Variants in PTPRT observed in about 807,000 individuals in gnomAD.
PTPRT encodes the protein receptor-type tyrosine-protein phosphatase T.
PTPRT carries 56 observed loss-of-function variants against 176.8 expected under a neutral mutation model. The observed-to-expected ratio is 0.32, with a 90% confidence interval of 0.26 to 0.40. PTPRT has a LOEUF of 0.40. Among genes scored for constraint, PTPRT ranks in the 10% least tolerant of loss-of-function variants. The pLI is 1.00. For missense variants in PTPRT, 1,540 were observed against 1,908.2 expected, an observed-to-expected ratio of 0.81 and a Z score of 3.60; for synonymous variants, 783 against 739.0, an observed-to-expected ratio of 1.06 and a Z score of -0.96.
At chr20:42,201,730 C>CA (rs57007206) in intron 15 of PTPRT, among the ~76,000 whole-genome samples, 1,513 of 73,516 alleles carry the variant, frequency 0.021, 30 homozygotes, top group Non-Finnish European at 0.027. Flanking sequence ...GAACCAGAGG[C>CA]AAAAAAAAAA....
chr20:43,131,386 C>T (rs1239563894), intron 1 of PTPRT, among the ~76,000 whole-genome samples: 1 of 152,216 alleles, frequency 6.6e-6, no homozygotes, highest in Admixed American at 6.5e-5. Context: ...CAGTATGCAA[C>T]AGACATTAGT....
intron 1 of PTPRT, among the ~76,000 whole-genome samples, chr20:42,940,917 TA>T (rs1980501656): frequency 6.6e-6 from 1 of 151,714 alleles, no homozygotes; most frequent in Non-Finnish European, 1.5e-5. Context: ...CCACCTCTAC[TA>T]AAAATACAAA....
At chr20:42,583,448 G>A (rs938318454) in intron 7 of PTPRT, among the ~76,000 whole-genome samples, 3 of 152,120 alleles carry the variant, frequency 2.0e-5, no homozygotes, top group East Asian at 1.9e-4. Context: ...GGATCACTAC[G>A]GACAGAGGAT....
intron 1 of PTPRT, among the ~76,000 whole-genome samples, chr20:43,017,706 T>C (rs62205279): frequency 0.24 from 37,209 of 152,154 alleles, 4,891 homozygotes; most frequent in African/African-American, 0.33. Flanking sequence ...TTCCATCCTG[T>C]CTCAGACCTC....
chr20:42,199,050 A>G (rs1203038465), intron 16 of PTPRT, among the ~76,000 whole-genome samples, 190 bp downstream of exon 16: 1 of 152,116 alleles, frequency 6.6e-6, no homozygotes, highest in Non-Finnish European at 1.5e-5. Context: ...GATTTTTTAA[A>G]TATTCCTTTT....
At chr20:43,103,104 C>T (rs186378480) in intron 1 of PTPRT, among the ~76,000 whole-genome samples, 6 of 152,170 alleles carry the variant, frequency 3.9e-5, no homozygotes, top group African/African-American at 4.8e-5. Context: ...GTGCCATCTG[C>T]CAAACCACAC....
At chr20:43,017,466 T>A (rs762415372) in intron 1 of PTPRT, among the ~76,000 whole-genome samples, 3 of 152,198 alleles carry the variant, frequency 2.0e-5, no homozygotes, top group Non-Finnish European at 2.9e-5. Context: ...CCGTGTGTGT[T>A]TGCACACCTT....
intron 9 of PTPRT, among the ~76,000 whole-genome samples, chr20:42,384,574 T>A (rs1333304199): frequency 6.6e-6 from 1 of 152,228 alleles, no homozygotes; most frequent in East Asian, 1.9e-4. Flanking sequence ...AATATGGGAA[T>A]GCAGATATCT....
At chr20:42,122,079 A>G (rs1179208241) in intron 19 of PTPRT, among the ~76,000 whole-genome samples, 3 of 152,168 alleles carry the variant, frequency 2.0e-5, no homozygotes, top group Non-Finnish European at 2.9e-5. Flanking sequence ...AATGTATACT[A>G]TTCAGGTGAT....
At chr20:42,400,483 G>C (rs924909298) in intron 9 of PTPRT, among the ~76,000 whole-genome samples, 3 of 152,138 alleles carry the variant, frequency 2.0e-5, no homozygotes, top group Non-Finnish European at 4.4e-5. Flanking sequence ...GACAAACAAA[G>C]ATATATGCGA....
chr20:42,291,444 A>C (rs2147088152), intron 12 of PTPRT, among the ~76,000 whole-genome samples: 1 of 152,302 alleles, frequency 6.6e-6, no homozygotes, highest in African/African-American at 2.4e-5. Flanking sequence ...GTATGTATTT[A>C]CTTGGTGAAA....
chr20:42,076,977 G>A lies in PTPRT; in HGVS notation c.*3902C>T, dbSNP rs990342491. 7 of 193,564 alleles carry A rather than the reference G, an allele frequency of 3.6e-5. No homozygotes were observed. The highest frequency in any genetic ancestry group is 1.2e-4 in the Admixed American group (2 of 16,356). The allele number at this position is 193,564 out of a possible 1,614,324, so 12.0% of individuals were successfully genotyped here. A position where few individuals can be genotyped will look rare whatever the true frequency, so the allele number is the denominator to read the frequency against. On this transcript the variant is annotated 3_prime_UTR_variant, in exon 31 of 31. Coordinates refer to ENST00000373187, the MANE Select transcript of PTPRT (RefSeq NM_007050.6). ...GGTGGAAAAATATTGTCTCTGTAGT[G>A]AGAAAAAACCGGTTTAAATCCTGGT...
rs1345999319 is a variant in PTPRT, at chr20:43,067,499, A to G, written c.88+122147T>C. 2.0e-5 allele frequency among the ~76,000 whole-genome samples: 3 copies of G among 152,140 alleles called. No homozygotes were observed. In the East Asian group the frequency reaches 5.8e-4, roughly 29 times the overall value. On this transcript the variant is annotated intron_variant, in intron 1 of 30. Coordinates refer to ENST00000373187, the MANE Select transcript of PTPRT (RefSeq NM_007050.6). ...TGAATTTAACCTCAATACATTTTTT[A>G]ACTCAAAAAATATGTAATTTTTTAA...
At chr20:42,260,979 C>T (rs6124436) in intron 13 of PTPRT, among the ~76,000 whole-genome samples, 2 of 152,162 alleles carry the variant, frequency 1.3e-5, no homozygotes, top group African/African-American at 4.8e-5. Context: ...AGGCACAGCC[C>T]TTAAAGCTCA....
At chr20:42,580,679 A>G (rs1156263373) in intron 7 of PTPRT, among the ~76,000 whole-genome samples, 8 of 152,112 alleles carry the variant, frequency 5.3e-5, no homozygotes, top group East Asian at 3.9e-4. Context: ...GTGAATGGGA[A>G]TTCACTCATG....
intron 11 of PTPRT, among the ~76,000 whole-genome samples, chr20:42,345,410 G>C (rs2145491648): frequency 7.0e-6 from 1 of 142,302 alleles, no homozygotes; most frequent in Non-Finnish European, 1.5e-5. Context: ...TATAAAACTA[G>C]TTACTATAGA....
intron 7 of PTPRT, among the ~76,000 whole-genome samples, chr20:42,583,102 A>AGT (rs1450234668): frequency 6.6e-6 from 1 of 152,118 alleles, no homozygotes; most frequent in Non-Finnish European, 1.5e-5. Context: ...ATGTTTTTTG[A>AGT]GTATATAAAT....
At chr20:43,077,133 T>C (rs2011299389) in intron 1 of PTPRT, among the ~76,000 whole-genome samples, 1 of 152,174 alleles carries the variant, frequency 6.6e-6, no homozygotes, top group African/African-American at 2.4e-5. Flanking sequence ...TAGCATTCAG[T>C]GGAATTTGAT....
chr20:43,141,450 G>T (rs1036322572), intron 1 of PTPRT, among the ~76,000 whole-genome samples: 1 of 152,190 alleles, frequency 6.6e-6, no homozygotes, highest in Non-Finnish European at 1.5e-5. Context: ...GCTGATCTGG[G>T]CTTCTTCACA....
Sources: gnomAD v4.1 joint callset for allele counts (sites outside exome capture counted in the v4.1 genomes callset) on GRCh38, gnomAD v4.1.1 for gene constraint, MANE v1.5 for transcripts, NCBI Gene and HGNC (gene_info 2026-07-23, HGNC 2026-07-21) for gene names.